HELQ: variants seen among roughly 807,000 people sequenced by gnomAD.
HELQ encodes helicase POLQ-like.
Under a neutral mutation model 111.6 loss-of-function variants are expected in HELQ, and 77 were observed. The observed-to-expected ratio is 0.69, with a 90% confidence interval of 0.57 to 0.83. The LOEUF (loss-of-function observed/expected upper bound fraction) is 0.83, where lower values mean the gene tolerates loss of function less well. Ranked by LOEUF, HELQ falls within the 40% of genes least tolerant of loss-of-function variation. HELQ has a pLI of 0.00. For missense variants in HELQ, 1,200 were observed against 1,288.5 expected, an observed-to-expected ratio of 0.93 and a Z score of 1.05; for synonymous variants, 438 against 454.7, an observed-to-expected ratio of 0.96 and a Z score of 0.47.
In HELQ at chr4:83,443,504, C is replaced by CTTAGAG; in HGVS notation, c.1563+12_1563+13insCTCTAA. On this transcript the variant is annotated intron_variant, in intron 6 of 17. Coordinates refer to ENST00000295488, the MANE Select transcript of HELQ (RefSeq NM_133636.5). ...CGAAACAAATCAATACAGTGCAAACCTTAGGTACATACTGGTCTAAATTGA... is the reference window on the plus strand; with the variant it reads ...CGAAACAAATCAATACAGTGCAAACCTTAGAGTTAGGTACATACTGGTCTAAATTGA... 1 of 1,258,516 alleles carries CTTAGAG rather than the reference C, an allele frequency of 7.9e-7. No individual in the cohort carries two copies. The highest frequency in any genetic ancestry group is 1.1e-6 in the Non-Finnish European group (1 of 876,614). The allele number at this position is 1,258,516 out of a possible 1,614,324, so 78.0% of individuals were successfully genotyped here.
chr4:83,423,658 C>G (rs879278644), intron 14 of HELQ, among the ~76,000 whole-genome samples: 2 of 152,142 alleles, frequency 1.3e-5, no homozygotes, highest in Non-Finnish European at 2.9e-5. Context: ...CGCTTGTAAT[C>G]CCAGCACTTT....
intron 13 of HELQ, 105 bp from the exon 14 acceptor site, chr4:83,426,197 A>C: frequency 1.5e-6 from 1 of 667,278 alleles, no homozygotes; most frequent in Non-Finnish European, 2.7e-6. Context: ...AGGATACAAA[A>C]AACAAGATAA....
At chr4:83,420,434 C>T (rs75664841) in intron 15 of HELQ, among the ~76,000 whole-genome samples, 3,779 of 152,096 alleles carry the variant, frequency 0.025, 149 homozygotes, top group African/African-American at 0.086. Context: ...AAGTTCAAGA[C>T]CAGGCTGGGC....
chr4:83,422,612 C>T (rs1487840631), intron 14 of HELQ, among the ~76,000 whole-genome samples: 1 of 152,188 alleles, frequency 6.6e-6, no homozygotes, highest in African/African-American at 2.4e-5. Context: ...AGGAAAGAGG[C>T]ACGGATGGCT....
At chr4:83,445,545 A>G (rs1425111608) in intron 5 of HELQ, among the ~76,000 whole-genome samples, 4 of 152,138 alleles carry the variant, frequency 2.6e-5, no homozygotes, top group African/African-American at 7.2e-5. Flanking sequence ...TAGCTCCTTA[A>G]ACTGACCTAT....
chr4:83,450,472 A>G (rs1721301041), intron 2 of HELQ, among the ~76,000 whole-genome samples: 1 of 151,884 alleles, frequency 6.6e-6, no homozygotes, highest in Admixed American at 6.6e-5. Context: ...TATTTTCTTT[A>G]AAAATATTTC....
Position 83,429,639 on chromosome 4 carries a change from T to C in HELQ, c.2403A>G (p.Glu801=). Residue 801 remains glutamate, a synonymous_variant, in exon 12 of 18, where the codon GAA becomes GAG. Transcript: ENST00000295488. ...KEKSLWEITV[E]SLRYLTEKGL... ...CTTTTTCTGTCAGGTATCTAAGTGATTCAACAGTTATTTCCCAGAGACTTT... is the reference window on the plus strand; with the variant it reads ...CTTTTTCTGTCAGGTATCTAAGTGACTCAACAGTTATTTCCCAGAGACTTT... 6.2e-7 allele frequency: 1 copy of C among 1,612,900 alleles called. No individual in the cohort carries two copies. Among genetic ancestry groups the C allele is most frequent in the Non-Finnish European group, 8.5e-7 (1 of 1,179,054 alleles).
Position 83,416,841 on chromosome 4 carries a change from C to T in HELQ, c.3088G>A (p.Ala1030Thr). ...AAGTGCATTAGACTTTTGTAACCTG[C>T]ACTGTATAACTGTTTTGCTCGACCC... ...LEGRAKQLYS[A>T]GYKSLMHLAN... The change falls in exon 17 of 18, where the codon GCA becomes ACA. Residue 1030 changes from alanine (A) to threonine (T), a missense_variant. By Grantham distance (58) the Ala-to-Thr change is moderately conservative. Around this residue, in one of 3 missense-constraint regions of HELQ, gnomAD observed 585 missense variants for 665.3 expected, o/e 0.88. Coordinates refer to ENST00000295488, the MANE Select transcript of HELQ (RefSeq NM_133636.5). 2 of 1,612,682 alleles carry T rather than the reference C, an allele frequency of 1.2e-6. No individual in the cohort carries two copies. Among genetic ancestry groups the T allele is most frequent in the Non-Finnish European group, 8.5e-7 (1 of 1,179,472 alleles).
At chr4:83,413,395 TGTGTTTGTTGA>T (rs1470456905) in intron 17 of HELQ, among the ~76,000 whole-genome samples, 24 of 152,300 alleles carry the variant, frequency 1.6e-4, no homozygotes, top group Admixed American at 9.8e-4. Flanking sequence ...CTGTCTGTGT[TGTGTTTGTTGA>T]GTGTTGAGTG....
In HELQ at chr4:83,417,206, C is replaced by CT. The variant is rs1176553232; in HGVS notation, c.3064-342dup. 9.1e-3 allele frequency among the ~76,000 whole-genome samples: 1,266 copies of CT among 139,826 alleles called. 13 individuals are homozygous for CT. The highest frequency in any genetic ancestry group is 0.021 in the African/African-American group (813 of 38,480). 91.7% of individuals were successfully genotyped at this position (139,826 alleles called of 152,430 possible). A position where few individuals can be genotyped will look rare whatever the true frequency, so the allele number is the denominator to read the frequency against. On this transcript the variant is annotated intron_variant, in intron 16 of 17. Coordinates refer to ENST00000295488, the MANE Select transcript of HELQ (RefSeq NM_133636.5). ...TTCTTTCTTCTTTTTCTTTTCTTTT[C>CT]TTTTTTTTTTTTTTGAGAAAGAGTC...
chr4:83,432,682 T>C (rs1720219891), intron 9 of HELQ, among the ~76,000 whole-genome samples: 1 of 152,158 alleles, frequency 6.6e-6, no homozygotes, highest in African/African-American at 2.4e-5. Flanking sequence ...AACATATACA[T>C]ATCTATTTAT....
At chr4:83,429,976 A>G (rs1720053759) in intron 11 of HELQ, among the ~76,000 whole-genome samples, 1 of 152,098 alleles carries the variant, frequency 6.6e-6, no homozygotes, top group Non-Finnish European at 1.5e-5. Flanking sequence ...ACATGTACTC[A>G]TTTTTCATTC....
intron 12 of HELQ, 116 bp from the exon 13 acceptor site, chr4:83,427,836 T>A (rs1719926993): frequency 3.2e-6 from 2 of 633,180 alleles, no homozygotes; most frequent in Non-Finnish European, 5.0e-6. Flanking sequence ...AAATCTCTTA[T>A]AACATCTTAC....
intron 2 of HELQ, among the ~76,000 whole-genome samples, chr4:83,449,400 G>A (rs1721229485): frequency 6.6e-6 from 1 of 152,152 alleles, no homozygotes; most frequent in Admixed American, 6.5e-5. Context: ...GGGGAAGGAG[G>A]GAAACAAATC....
chr4:83,417,460 C>A (rs1370880942), intron 16 of HELQ, among the ~76,000 whole-genome samples: 2 of 152,114 alleles, frequency 1.3e-5, no homozygotes, highest in East Asian at 3.9e-4. Context: ...ACCTTGGCCT[C>A]CCAAAGTGCT....
intron 9 of HELQ, among the ~76,000 whole-genome samples, chr4:83,435,064 G>A (rs1410857974): frequency 6.6e-6 from 1 of 152,150 alleles, no homozygotes; most frequent in Non-Finnish European, 1.5e-5. Context: ...TCAAACACTG[G>A]CTTTAAAACT....
rs765413189 is a variant in HELQ at position 83,433,816 on chromosome 4, TACTAAAAACACAAAA to T, written c.2049-1564_2049-1550del. ...GGCCAACATGGTGAAACCCCGTCTC[TACTAAAAACACAAAA>T]ACTAAAAAACATTGTGTTGTGTGCC... is the stretch of plus-strand genomic sequence containing the variant. On this transcript the variant is annotated intron_variant, in intron 9 of 17. Transcript: ENST00000295488. 8.6e-5 allele frequency among the ~76,000 whole-genome samples: 13 copies of T among 151,688 alleles called. No individual in the cohort carries two copies. In the East Asian group the frequency reaches 1.4e-3, roughly 16 times the overall value.
At chr4:83,451,458 C>T (rs1263816370) in intron 2 of HELQ, among the ~76,000 whole-genome samples, 5 of 151,664 alleles carry the variant, frequency 3.3e-5, no homozygotes, top group African/African-American at 9.7e-5. Flanking sequence ...GTCAGGAGAT[C>T]GAGACCATCC....
At chr4:83,443,343 T>C (rs568161913) in intron 6 of HELQ, among the ~76,000 whole-genome samples, 174 bp downstream of exon 6, 2 of 152,290 alleles carry the variant, frequency 1.3e-5, no homozygotes, top group Non-Finnish European at 2.9e-5. Flanking sequence ...CCCTGACCTA[T>C]ACACAAACTC....
Sources: allele counts gnomAD v4.1 joint callset (sites outside exome capture counted in the v4.1 genomes callset), GRCh38; gene constraint gnomAD v4.1.1; regional missense constraint gnomAD v4.1.1; transcripts MANE v1.5; gene names NCBI Gene and HGNC (gene_info 2026-07-23, HGNC 2026-07-21).